Variants in CDK5RAP2 observed in about 807,000 individuals in gnomAD.
The protein encoded by CDK5RAP2 is CDK5 regulatory subunit associated protein 2, also known as CDK5 regulatory subunit-associated protein 2.
In CDK5RAP2, 147 loss-of-function variants were observed where a neutral mutation model predicts 232.9. That is an observed-to-expected ratio of 0.63 (90% CI 0.55 to 0.72). The LOEUF (loss-of-function observed/expected upper bound fraction) is 0.72. Ranked by LOEUF, CDK5RAP2 falls within the 30% of genes least tolerant of loss-of-function variation. CDK5RAP2 has a pLI of 0.00. For missense variants in CDK5RAP2, 2,195 were observed against 2,231.5 expected (o/e 0.98, Z 0.33); for synonymous variants, 833 against 833.7 (o/e 1.00, Z 0.01).
At chr9:120,531,296 A>C (rs2041142900) in intron 7 of CDK5RAP2, among the ~76,000 whole-genome samples, 2 of 146,446 alleles carry the variant, frequency 1.4e-5, no homozygotes, top group African/African-American at 2.5e-5. Flanking sequence ...CCTGACAAAC[A>C]CCCATTCATC....
At chr9:120,520,803 C>CAT (rs55979827) in intron 11 of CDK5RAP2, among the ~76,000 whole-genome samples, 44,098 of 63,594 alleles carry the variant, frequency 0.69, 17,900 homozygotes, top group Non-Finnish European at 0.83. Context: ...TCATATATCT[C>CAT]ATGAGATATA....
In CDK5RAP2 at chr9:120,559,984, GC is replaced by G. The variant is rs553525090; in HGVS notation, c.195+8336del. Among the ~76,000 whole-genome samples, 20 of 152,098 alleles carry G rather than the reference GC, an allele frequency of 1.3e-4. No homozygotes were observed. In the South Asian group the frequency reaches 4.0e-3, roughly 30 times the overall value. ...AAAGGAATCAGGGCAACTCCAACCC[GC>G]CCCACCTCAACTGAAATCTAAGCAA... On this transcript the variant is annotated intron_variant, in intron 3 of 37. Transcript: ENST00000349780.
chr9:120,419,929 G>A lies in CDK5RAP2; in HGVS notation c.4036C>T (p.Leu1346Phe), dbSNP rs563855477. 1.2e-5 allele frequency: 20 copies of A among 1,614,036 alleles called. No individual in the cohort carries two copies. In the Middle Eastern group the frequency reaches 6.6e-4, roughly 53 times the overall value. ...GAAGGCTCAGGAGATTCAGGCAGAA[G>A]ATGTTGGTAGGTTAAGTTGTCTTCC... ...IEEDNLTYQH[L>F]LPESPEPSAS... Residue 1346 changes from leucine to phenylalanine, a missense_variant, in exon 27 of 38, where the codon CTT becomes TTT. Transcript: ENST00000349780.
At chr9:120,574,118 G>C (rs1366017951) in intron 1 of CDK5RAP2, among the ~76,000 whole-genome samples, 1 of 152,220 alleles carries the variant, frequency 6.6e-6, no homozygotes, top group East Asian at 1.9e-4. Flanking sequence ...GCTTCCTACA[G>C]GCAAACACTG....
chr9:120,471,783 A>G lies in CDK5RAP2; in HGVS notation c.1823T>C (p.Leu608Ser). 1.9e-6 allele frequency: 3 copies of G among 1,614,092 alleles called. No individual in the cohort carries two copies. The highest frequency in any genetic ancestry group is 2.5e-6 in the Non-Finnish European group (3 of 1,179,946). Reference sequence around the variant, plus strand: ...CCGAATTTCGCTGATCTGCTCCTCCAAGGTCTTCCGCAAATTCTGATATGA... The same window carrying G: ...CCGAATTTCGCTGATCTGCTCCTCCGAGGTCTTCCGCAAATTCTGATATGA... ...VLSYQNLRKT[L>S]EEQISEIRRR... The change falls in exon 16 of 38, where the codon TTG (leucine) becomes TCG (serine). Residue 608 changes from leucine to serine, a missense_variant. Leu to Ser is a moderately radical substitution (Grantham distance 145). Transcript: ENST00000349780.
intron 12 of CDK5RAP2, among the ~76,000 whole-genome samples, chr9:120,501,116 C>A (rs1315226428): frequency 6.6e-6 from 1 of 152,228 alleles, no homozygotes; most frequent in African/African-American, 2.4e-5. Context: ...AGGCCCCCAT[C>A]AGCTAGACCC....
rs2031666315 is a variant in CDK5RAP2 at position 120,389,087 on chromosome 9, A to G, written c.*149T>C. On this transcript the variant is annotated 3_prime_UTR_variant, in exon 38 of 38. Coordinates refer to ENST00000349780, the MANE Select transcript of CDK5RAP2 (RefSeq NM_018249.6). The stretch of plus-strand genomic sequence containing the variant: ...CTTTCTGACAACAACTCTCAAGCCA[A>G]CTTTCAGAGAGAAAACATGAAGGGA... The G allele has an allele frequency of 5.3e-6, 4 of 750,194 alleles. No individual in the cohort carries two copies. The highest frequency in any genetic ancestry group is 8.9e-6 in the Non-Finnish European group (4 of 447,308). The allele number at this position is 750,194 out of a possible 1,614,324, so 46.5% of individuals were successfully genotyped here. A position where few individuals can be genotyped will look rare whatever the true frequency, so the allele number is the denominator to read the frequency against.
At chr9:120,410,725 G>A (rs1001208257) in intron 29 of CDK5RAP2, among the ~76,000 whole-genome samples, 2 of 152,222 alleles carry the variant, frequency 1.3e-5, no homozygotes, top group South Asian at 4.1e-4. Context: ...GGAAAAGTGG[G>A]ATAAGCTGGC....
intron 4 of CDK5RAP2, among the ~76,000 whole-genome samples, chr9:120,546,370 C>G (rs2041841829): frequency 6.6e-6 from 1 of 152,184 alleles, no homozygotes; most frequent in Non-Finnish European, 1.5e-5. Context: ...TGTTCTCCAA[C>G]CAAATGTCTT....
chr9:120,465,858 C>T (rs2037350862), intron 18 of CDK5RAP2, among the ~76,000 whole-genome samples: 1 of 152,170 alleles, frequency 6.6e-6, no homozygotes, highest in Non-Finnish European at 1.5e-5. Context: ...GAATGAGATG[C>T]TATGACATAA....
chr9:120,424,294 C>A (rs1313901026), intron 25 of CDK5RAP2, among the ~76,000 whole-genome samples: 4 of 152,154 alleles, frequency 2.6e-5, no homozygotes, highest in Admixed American at 6.5e-5. Flanking sequence ...TACATCCTGG[C>A]CAAAAATGGC....
chr9:120,424,690 T>G (rs2034777178), intron 25 of CDK5RAP2, among the ~76,000 whole-genome samples: 1 of 150,590 alleles, frequency 6.6e-6, no homozygotes, highest in South Asian at 2.1e-4. Flanking sequence ...CTGCTTCACA[T>G]TCTCACAGCT....
At chr9:120,505,681 A>T (rs2039779563) in intron 12 of CDK5RAP2, among the ~76,000 whole-genome samples, 1 of 152,238 alleles carries the variant, frequency 6.6e-6, no homozygotes, top group Non-Finnish European at 1.5e-5. Flanking sequence ...GAATGGTAAG[A>T]AAGCTAAACA....
intron 7 of CDK5RAP2, 47 bp downstream of exon 7, chr9:120,536,325 C>G (rs1206495004): frequency 6.3e-7 from 1 of 1,598,912 alleles, no homozygotes; most frequent in East Asian, 2.2e-5. Context: ...TTTCCCCACG[C>G]TGCCAGATAA....
In CDK5RAP2 at chr9:120,409,144, G is replaced by A. The variant is rs779854998; in HGVS notation, c.4587C>T (p.Ser1529=). 1.1e-5 allele frequency: 17 copies of A among 1,611,992 alleles called. No homozygotes were observed. The highest frequency in any genetic ancestry group is 6.6e-5 in the South Asian group (6 of 91,016). ...GCCACTACCTGCTCAGCTCCTGGCCGCTGCAGCGGACCTCCTGGATCAGCT... is the reference window on the plus strand; with the variant it reads ...GCCACTACCTGCTCAGCTCCTGGCCACTGCAGCGGACCTCCTGGATCAGCT... ...NQQLIQEVRC[S]GQELSRVQEE... The change falls in exon 30 of 38, where the codon AGC becomes AGT. Residue 1529 remains serine, a synonymous_variant. Transcript: ENST00000349780.
intron 25 of CDK5RAP2, among the ~76,000 whole-genome samples, chr9:120,427,279 A>G (rs536073037): frequency 7.2e-4 from 109 of 152,380 alleles, no homozygotes; most frequent in African/African-American, 2.5e-3. Flanking sequence ...AAAAAAATCC[A>G]TAATGTTTTA....
intron 23 of CDK5RAP2, 106 bp downstream of exon 23, chr9:120,443,514 G>T: frequency 3.2e-6 from 4 of 1,247,274 alleles, no homozygotes; most frequent in Non-Finnish European, 4.7e-6. Flanking sequence ...TGATAATAAT[G>T]CCCTGAGAGG....
intron 1 of CDK5RAP2, among the ~76,000 whole-genome samples, chr9:120,578,628 A>T (rs1012271563): frequency 1.3e-5 from 2 of 150,250 alleles, no homozygotes; most frequent in African/African-American, 4.9e-5. Context: ...GTGCAGTGGC[A>T]TGAACACAGC....
In CDK5RAP2 at chr9:120,526,842, A is replaced by C. The variant is rs148350987; in HGVS notation, c.999+964T>G. 7.2e-5 allele frequency among the ~76,000 whole-genome samples: 11 copies of C among 152,252 alleles called. No individual in the cohort carries two copies. The East Asian group carries it at 2.1e-3, about 29-fold the overall frequency. Reference sequence around the variant, plus strand: ...TGTGGTGCATATGGGGTCTCTCCTAACTAAACACCTTGACCAATGTTCTCC... The same window carrying C: ...TGTGGTGCATATGGGGTCTCTCCTACCTAAACACCTTGACCAATGTTCTCC... On this transcript the variant is annotated intron_variant, in intron 10 of 37. Transcript: ENST00000349780.
Sources: gnomAD v4.1 joint callset for allele counts (sites outside exome capture counted in the v4.1 genomes callset) on GRCh38, gnomAD v4.1.1 for gene constraint, MANE v1.5 for transcripts, NCBI Gene and HGNC (gene_info 2026-07-23, HGNC 2026-07-21) for gene names.